Variants in TGFA observed in about 807,000 individuals in gnomAD.
The protein encoded by TGFA is protransforming growth factor alpha.
A neutral mutation model predicts 21.7 loss-of-function variants in TGFA; 12 were observed. The ratio of observed to expected loss-of-function variants is 0.55; its 90% confidence interval spans 0.35 to 0.90. The LOEUF (loss-of-function observed/expected upper bound fraction) is 0.90, where lower values mean the gene tolerates loss of function less well. Among genes scored for constraint, TGFA ranks in the 40% least tolerant of loss-of-function variants. The probability of loss-of-function intolerance (pLI) is 0.01; values close to 1 mark genes in which losing one functional copy is unlikely to be tolerated. For missense variants in TGFA, 178 were observed against 210.8 expected, an observed-to-expected ratio of 0.84 and a Z score of 0.96; for synonymous variants, 79 against 88.1, an observed-to-expected ratio of 0.90 and a Z score of 0.58.
chr2:70,534,661 G>A (rs1553504155), intron 1 of TGFA, among the ~76,000 whole-genome samples: 1 of 151,684 alleles, frequency 6.6e-6, no homozygotes, highest in Non-Finnish European at 1.5e-5. Flanking sequence ...CTGAACTGTT[G>A]ACTGAAGGAG....
chr2:70,537,023 A>T (rs1672991381), intron 1 of TGFA, among the ~76,000 whole-genome samples: 1 of 144,692 alleles, frequency 6.9e-6, no homozygotes. Flanking sequence ...ACAAATTTAA[A>T]GTTTGTGGCA....
chr2:70,523,054 GA>G (rs1553502536), intron 1 of TGFA, among the ~76,000 whole-genome samples: 1 of 152,034 alleles, frequency 6.6e-6, no homozygotes, highest in Non-Finnish European at 1.5e-5. Context: ...CTACAATATT[GA>G]AAAATCCATG....
At chr2:70,450,973 G>A (rs1670035562) in intron 5 of TGFA, 107 bp from the exon 6 acceptor site, 1 of 1,385,964 alleles carries the variant, frequency 7.2e-7, no homozygotes, top group East Asian at 2.4e-5. Flanking sequence ...ATGTCACCAA[G>A]TTCTCTCGGG....
At chr2:70,456,633 G>T (rs868932673) in intron 3 of TGFA, 145 bp from the exon 4 acceptor site, 1 of 971,280 alleles carries the variant, frequency 1.0e-6, no homozygotes, top group Non-Finnish European at 1.5e-6. Context: ...GGAGGGAAAG[G>T]TGTCAGCAAA....
chr2:70,553,286 G>C (rs547451647), intron 1 of TGFA: 1 of 1,534,220 alleles, frequency 6.5e-7, no homozygotes, highest in African/African-American at 1.4e-5. Flanking sequence ...GGGTGCCAAA[G>C]GGGCGCAGGC....
At position 70,553,729 on chromosome 2, in the gene TGFA, CAG is replaced by C; in HGVS notation, c.37_38del (p.Leu13GlyfsTer32). On this transcript the variant is annotated frameshift_variant and splice_region_variant, in exon 1 of 6. Transcript: ENST00000295400. LOFTEE classifies it high-confidence loss of function. Reference protein sequence around the residue: ...PSAGQLALFALGIVLAACQAL... With the variant: ...PSAGQLALFAXGIVLAACQAL... ...GGGCGCCGCAGCCGGCGTACGTACC[CAG>C]AGCGAACAGGGCGAGCTGTCCAGCC... 7.5e-7 allele frequency: 1 copy of C among 1,333,734 alleles called. No individual in the cohort carries two copies. Among genetic ancestry groups the C allele is most frequent in the Non-Finnish European group, 9.6e-7 (1 of 1,038,192 alleles). The allele number at this position is 1,333,734 out of a possible 1,614,324, so 82.6% of individuals were successfully genotyped here.
chr2:70,531,671 C>T (rs1559138730), intron 1 of TGFA, among the ~76,000 whole-genome samples: 2 of 152,216 alleles, frequency 1.3e-5, no homozygotes, highest in Non-Finnish European at 2.9e-5. Context: ...TCTAAACAGC[C>T]ACTTCCAAAT....
rs543967053 is a variant in TGFA at position 70,480,252 on chromosome 2, G to A, written c.95-14516C>T. Among the ~76,000 whole-genome samples the A allele has an allele frequency of 2.0e-5, 3 of 152,298 alleles. No individual in the cohort carries two copies. In the East Asian group the frequency reaches 5.8e-4, roughly 29 times the overall value. On this transcript the variant is annotated intron_variant, in intron 2 of 5. Coordinates refer to ENST00000295400, the MANE Select transcript of TGFA (RefSeq NM_003236.4). ...TTTGTCACTTATTGTGGCCTTGACT[G>A]TGTCCTTTCTTAAGGCATTGGCAGG...
intron 2 of TGFA, among the ~76,000 whole-genome samples, chr2:70,495,006 G>A (rs1201105068): frequency 6.6e-6 from 1 of 152,060 alleles, no homozygotes; most frequent in African/African-American, 2.4e-5. Context: ...GCTCTGATTA[G>A]ACCTCCTTTT....
intron 3 of TGFA, among the ~76,000 whole-genome samples, chr2:70,461,388 C>T (rs1670402355): frequency 6.6e-6 from 1 of 152,204 alleles, no homozygotes; most frequent in Admixed American, 6.5e-5. Flanking sequence ...GGGGAGGCGC[C>T]ACCTTGGTCA....
intron 1 of TGFA, among the ~76,000 whole-genome samples, chr2:70,546,483 C>G (rs62151582): frequency 6.6e-6 from 1 of 151,466 alleles, no homozygotes; most frequent in African/African-American, 2.4e-5. Flanking sequence ...AATGAAAAAC[C>G]TTATTATTAT....
At chr2:70,451,806 T>A in intron 5 of TGFA, 2 of 693,266 alleles carry the variant, frequency 2.9e-6, no homozygotes, top group Non-Finnish European at 5.2e-6. Context: ...CTGGTTCTCA[T>A]CCTCACTCCC....
intron 1 of TGFA, among the ~76,000 whole-genome samples, chr2:70,542,801 A>G (rs1673171234): frequency 3.9e-5 from 6 of 152,242 alleles, no homozygotes; most frequent in Admixed American, 3.3e-4. Context: ...TCTTATGGGA[A>G]CACTGTTACT....
At position 70,449,941 on chromosome 2, in the gene TGFA, T is replaced by G. The variant is rs1337449589; in HGVS notation, c.*918A>C. On this transcript the variant is annotated 3_prime_UTR_variant, in exon 6 of 6. Transcript: ENST00000295400. ...CTCTCTCCCCAACAGAGGGGACAGA[T>G]CCCTGCTGATGGATTTGCTAAGTTT... 2 of 152,458 alleles carry G rather than the reference T, an allele frequency of 1.3e-5. No homozygotes were observed. Among genetic ancestry groups the G allele is most frequent in the African/African-American group, 4.8e-5 (2 of 41,460 alleles). The allele number at this position is 152,458 out of a possible 1,614,324, so 9.4% of individuals were successfully genotyped here.
chr2:70,505,824 T>C (rs1209152915), intron 2 of TGFA, among the ~76,000 whole-genome samples: 1 of 152,226 alleles, frequency 6.6e-6, no homozygotes, highest in Admixed American at 6.5e-5. Context: ...AACCTGGTGA[T>C]AAAATGGCCA....
At position 70,465,672 on chromosome 2, in the gene TGFA, C is replaced by G. The variant is rs943061798; in HGVS notation, c.159G>C (p.Gln53His). The change falls in exon 3 of 6, where the codon CAG becomes CAC. Residue 53 changes from glutamine to histidine, a missense_variant. Gln to His is a conservative substitution (Grantham distance 24). Coordinates refer to ENST00000295400, the MANE Select transcript of TGFA (RefSeq NM_003236.4). ...ACCTGCAGGTTCCATGGAAGCAGAACTGAGTGTGGGAATCTGGGCAGTCAT... is the reference window on the plus strand; with the variant it reads ...ACCTGCAGGTTCCATGGAAGCAGAAGTGAGTGTGGGAATCTGGGCAGTCAT... Reference protein sequence around the residue: ...HFNDCPDSHTQFCFHGTCRFL... With the variant: ...HFNDCPDSHTHFCFHGTCRFL... The G allele has an allele frequency of 6.2e-7, 1 of 1,614,182 alleles. No homozygotes were observed.
At chr2:70,542,985 C>T (rs529398529) in intron 1 of TGFA, among the ~76,000 whole-genome samples, 1 of 151,696 alleles carries the variant, frequency 6.6e-6, no homozygotes, top group South Asian at 2.1e-4. Flanking sequence ...CGCCTGTAAT[C>T]CCAGGTACTT....
At chr2:70,521,622 T>TG (rs1372619031) in intron 1 of TGFA, among the ~76,000 whole-genome samples, 3 of 124,378 alleles carry the variant, frequency 2.4e-5, no homozygotes, top group South Asian at 5.6e-4. Flanking sequence ...TGTTTGTTTT[T>TG]TTTTTTTTTT....
At chr2:70,504,210 G>A (rs1214418441) in intron 2 of TGFA, among the ~76,000 whole-genome samples, 2 of 151,386 alleles carry the variant, frequency 1.3e-5, no homozygotes, top group African/African-American at 2.4e-5. Context: ...TCAGGAGTTC[G>A]AGATGAACCT....
Sources: gnomAD v4.1 joint callset for allele counts (sites outside exome capture counted in the v4.1 genomes callset) on GRCh38, gnomAD v4.1.1 for gene constraint, MANE v1.5 for transcripts, NCBI Gene and HGNC (gene_info 2026-07-23, HGNC 2026-07-21) for gene names.